COBLL1: variants seen among roughly 807,000 people sequenced by gnomAD.
COBLL1 encodes the protein cordon-bleu WH2 repeat protein like 1, also known as cordon-bleu protein-like 1.
A neutral mutation model predicts 94.8 loss-of-function variants in COBLL1; 50 were observed. The observed-to-expected ratio is 0.53, with a 90% CI of 0.42 to 0.67. The LOEUF is 0.67. Among genes scored for constraint, COBLL1 ranks in the 30% least tolerant of loss-of-function variants. COBLL1 has a pLI of 0.00. For synonymous variants in COBLL1, 448 were observed against 473.8 expected, an observed-to-expected ratio of 0.95 and a Z score of 0.71; for missense variants, 1,362 against 1,348.7, an observed-to-expected ratio of 1.01 and a Z score of -0.15.
chr2:164,771,302 CA>C (rs771273076), intron 2 of COBLL1, among the ~76,000 whole-genome samples: 3 of 151,568 alleles, frequency 2.0e-5, no homozygotes, highest in Non-Finnish European at 2.9e-5. Flanking sequence ...TTAAACAAAA[CA>C]AAAAACACAC....
At chr2:164,806,956 T>G (rs1684188731) in intron 2 of COBLL1, among the ~76,000 whole-genome samples, 1 of 152,138 alleles carries the variant, frequency 6.6e-6, no homozygotes, top group South Asian at 2.1e-4. Flanking sequence ...TCCTCCTGCC[T>G]AAGCCTTCCA....
At chr2:164,814,861 A>T (rs536858762) in intron 2 of COBLL1, among the ~76,000 whole-genome samples, 1 of 152,322 alleles carries the variant, frequency 6.6e-6, no homozygotes, top group South Asian at 2.1e-4. Flanking sequence ...AAGTTCTCTT[A>T]ATTACCTGTC....
chr2:164,687,801 C>A (rs922999887), intron 13 of COBLL1: 17 of 437,864 alleles, frequency 3.9e-5, no homozygotes, highest in South Asian at 1.3e-4. Context: ...CATTGTGGAA[C>A]CTTGGTCCTA....
chr2:164,730,346 C>A (rs1052894237), intron 3 of COBLL1, among the ~76,000 whole-genome samples: 1 of 123,604 alleles, frequency 8.1e-6, no homozygotes, highest in East Asian at 2.2e-4. Flanking sequence ...AAAAAAAAAA[C>A]AATAGCCTGC....
intron 2 of COBLL1, among the ~76,000 whole-genome samples, chr2:164,744,511 C>A (rs1264079937): frequency 1.3e-5 from 2 of 152,194 alleles, no homozygotes; most frequent in East Asian, 3.9e-4. Flanking sequence ...ATTTATAACT[C>A]CCTGCAAAAA....
chr2:164,718,288 G>A, intron 7 of COBLL1: 1 of 979,540 alleles, frequency 1.0e-6, no homozygotes, highest in Non-Finnish European at 1.2e-6. Context: ...AATGCTGCAA[G>A]CATTAAGCCA....
At chr2:164,778,266 G>A (rs1237162205) in intron 2 of COBLL1, among the ~76,000 whole-genome samples, 1 of 152,138 alleles carries the variant, frequency 6.6e-6, no homozygotes, top group Non-Finnish European at 1.5e-5. Flanking sequence ...ATACTTGGGA[G>A]GAATAGCAAA....
At chr2:164,826,233 A>G (rs201729435) in intron 2 of COBLL1, among the ~76,000 whole-genome samples, 2 of 152,348 alleles carry the variant, frequency 1.3e-5, no homozygotes, top group East Asian at 3.9e-4. Context: ...TTTCTCCTCT[A>G]AAAGGGAATG....
chr2:164,672,436 C>T (rs1052764133), intron 1 of COBLL1, among the ~76,000 whole-genome samples: 4 of 152,088 alleles, frequency 2.6e-5, no homozygotes, highest in South Asian at 4.1e-4. Flanking sequence ...CGGTGGCTCA[C>T]GCCTGTAATC....
intron 2 of COBLL1, among the ~76,000 whole-genome samples, chr2:164,805,362 T>TATATAA (rs1454985317): frequency 8.4e-6 from 1 of 118,476 alleles, no homozygotes; most frequent in South Asian, 2.6e-4. Flanking sequence ...TATATATATA[T>TATATAA]AAAACTAAAG....
At chr2:164,663,469 A>G (rs575567883) in intron 2 of COBLL1, among the ~76,000 whole-genome samples, 181 of 152,332 alleles carry the variant, frequency 1.2e-3, no homozygotes, top group African/African-American at 4.2e-3. Context: ...CCATTACTGC[A>G]TATGTACCCA....
intron 2 of COBLL1, among the ~76,000 whole-genome samples, chr2:164,789,720 G>A (rs1683089498): frequency 6.6e-6 from 1 of 152,202 alleles, no homozygotes; most frequent in Non-Finnish European, 1.5e-5. Flanking sequence ...CCAGTCATCA[G>A]CAAGCCTATT....
At chr2:164,786,087 A>AT (rs565754954) in intron 2 of COBLL1, among the ~76,000 whole-genome samples, 3 of 152,220 alleles carry the variant, frequency 2.0e-5, no homozygotes, top group Non-Finnish European at 4.4e-5. Context: ...TATAAAACTA[A>AT]TTCTAGTTAA....
chr2:164,684,767 T>C lies in COBLL1; in HGVS notation c.*1179A>G, dbSNP rs1355914937. On this transcript the variant is annotated 3_prime_UTR_variant, in exon 14 of 14. Coordinates refer to ENST00000652658, the MANE Select transcript of COBLL1 (RefSeq NM_001365672.2). Reference sequence around the variant, plus strand: ...TATATTTTAAAAAGCACCCCAAATATACAACTTGCTTTTATTAAATTGAAA... The same window carrying C: ...TATATTTTAAAAAGCACCCCAAATACACAACTTGCTTTTATTAAATTGAAA... 1 of 152,034 alleles carries C rather than the reference T, an allele frequency of 6.6e-6. No individual in the cohort carries two copies. Among genetic ancestry groups the C allele is most frequent in the Non-Finnish European group, 1.5e-5 (1 of 67,986 alleles). 9.4% of individuals were successfully genotyped at this position (152,034 alleles called of 1,614,324 possible).
rs937689633 is a variant in COBLL1, at chr2:164,770,237, T to C, written c.42-26362A>G. 2.0e-5 allele frequency among the ~76,000 whole-genome samples: 3 copies of C among 152,070 alleles called. No individual in the cohort carries two copies. The South Asian group carries it at 6.2e-4, about 32-fold the overall frequency. On this transcript the variant is annotated intron_variant, in intron 2 of 13. Coordinates refer to ENST00000652658, the MANE Select transcript of COBLL1 (RefSeq NM_001365672.2). The stretch of plus-strand genomic sequence containing the variant: ...ATTCTGTTACTGTATGCCGTATCTG[T>C]GTGCCCAGCACCACTGAAACACCAA...
At chr2:164,787,589 C>T (rs1321356200) in intron 2 of COBLL1, among the ~76,000 whole-genome samples, 2 of 152,142 alleles carry the variant, frequency 1.3e-5, no homozygotes, top group African/African-American at 4.8e-5. Flanking sequence ...TATCCATCCT[C>T]TGAATATAGC....
rs1683106505 is a variant in COBLL1 at position 164,682,997 on chromosome 2, AACACACAT to A, written c.*2941_*2948del. Reference sequence around the variant, plus strand: ...AGTGTGACCTCCTTTCATGTTAAGAAACACACATACACACACACACACACACACACACA... The same window carrying A: ...AGTGTGACCTCCTTTCATGTTAAGAAACACACACACACACACACACACACA... On this transcript the variant is annotated 3_prime_UTR_variant, in exon 14 of 14. Transcript: ENST00000652658. 8.3e-6 allele frequency: 1 copy of A among 120,646 alleles called. No homozygotes were observed. The highest frequency in any genetic ancestry group is 3.6e-5 in the African/African-American group (1 of 27,580). 7.5% of individuals were successfully genotyped at this position (120,646 alleles called of 1,614,324 possible). A position where few individuals can be genotyped will look rare whatever the true frequency, so the allele number is the denominator to read the frequency against.
intron 2 of COBLL1, among the ~76,000 whole-genome samples, chr2:164,773,220 C>T (rs908189891): frequency 6.6e-5 from 10 of 151,966 alleles, no homozygotes; most frequent in Non-Finnish European, 1.3e-4. Context: ...ATAGGGTTCT[C>T]ATATTTTAAA....
chr2:164,699,487 A>G lies in COBLL1; in HGVS notation c.1473T>C (p.Ser491=). The G allele has an allele frequency of 6.2e-7, 1 of 1,608,564 alleles. No homozygotes were observed. The highest frequency in any genetic ancestry group is 8.5e-7 in the Non-Finnish European group (1 of 1,175,216). ...TTCCATTGCTTGTATCATATACTAC[A>G]CTGTGTGGTTCTCTGGAAGATACGA... is the stretch of plus-strand genomic sequence containing the variant. ...TKSTDGQEPH[S]VVYDTSNGKK... is the part of the protein sequence containing the mutation. Residue 491 remains serine (S), a synonymous_variant, in exon 11 of 14, where the codon AGT becomes AGC. Coordinates refer to ENST00000652658, the MANE Select transcript of COBLL1 (RefSeq NM_001365672.2).
Sources: allele counts gnomAD v4.1 joint callset (sites outside exome capture counted in the v4.1 genomes callset), GRCh38; gene constraint gnomAD v4.1.1; transcripts MANE v1.5; gene names NCBI Gene and HGNC (gene_info 2026-07-23, HGNC 2026-07-21).